Variants in RAB6B observed in about 807,000 individuals in gnomAD.
RAB6B encodes ras-related protein Rab-6B.
RAB6B carries 7 observed loss-of-function variants against 31.2 expected under a neutral mutation model. The observed-to-expected ratio is 0.22, with a 90% CI of 0.13 to 0.42. The LOEUF is 0.42. RAB6B is among the 10% of genes least tolerant of loss of function. The probability of loss-of-function intolerance (pLI) is 1.00; values close to 1 mark genes in which losing one functional copy is unlikely to be tolerated. For missense variants in RAB6B, 149 were observed against 280.6 expected (o/e 0.53, Z 3.35); for synonymous variants, 105 against 104.9 (o/e 1.00, Z -0.01).
chr3:133,841,238 T>C, intron 4 of RAB6B, 47 bp downstream of exon 4: 1 of 1,593,048 alleles, frequency 6.3e-7, no homozygotes, highest in Non-Finnish European at 8.6e-7. Context: ...ACCTGGGCCC[T>C]GGACCCCCTA....
At chr3:133,837,003 G>T (rs944196969) in intron 6 of RAB6B, among the ~76,000 whole-genome samples, 4 of 152,298 alleles carry the variant, frequency 2.6e-5, no homozygotes, top group Non-Finnish European at 5.9e-5. Context: ...CTTGCCAAGG[G>T]TTCCCAGCAA....
rs761422316 is a variant in RAB6B, at chr3:133,841,256, C to G, written c.289+29G>C. The stretch of plus-strand genomic sequence containing the variant: ...TGGGCCCTGGACCCCCTATGAGCCA[C>G]CCTCCCTTAGGAGCAGAGCCTCACT... On this transcript the variant is annotated intron_variant, in intron 4 of 7. Transcript: ENST00000285208. 4 of 1,612,066 alleles carry G rather than the reference C, an allele frequency of 2.5e-6. No individual in the cohort carries two copies. In the East Asian group the frequency reaches 8.9e-5, roughly 36 times the overall value.
chr3:133,855,284 A>T (rs928635916), intron 2 of RAB6B, among the ~76,000 whole-genome samples: 9 of 152,260 alleles, frequency 5.9e-5, no homozygotes, highest in African/African-American at 2.2e-4. Flanking sequence ...GAAGCGCAGT[A>T]ATGCGCCCTG....
chr3:133,829,615 T>A (rs1935626662), intron 7 of RAB6B, among the ~76,000 whole-genome samples: 1 of 152,210 alleles, frequency 6.6e-6, no homozygotes, highest in African/African-American at 2.4e-5. Flanking sequence ...GGACAGGGAT[T>A]GCCTTAAGAC....
chr3:133,853,742 T>C (rs1206703434), intron 2 of RAB6B, among the ~76,000 whole-genome samples: 1 of 152,184 alleles, frequency 6.6e-6, no homozygotes, highest in African/African-American at 2.4e-5. Context: ...CTTGGCTTCC[T>C]CATCTCTAAT....
At chr3:133,889,424 A>T (rs1359817504) in intron 1 of RAB6B, among the ~76,000 whole-genome samples, 647 of 60,436 alleles carry the variant, frequency 0.011, 59 homozygotes, top group Middle Eastern at 0.032. Context: ...ATATATATAT[A>T]TATATATATA....
At chr3:133,864,560 G>A (rs779361278) in intron 2 of RAB6B, 24 bp downstream of exon 2, 3 of 1,609,082 alleles carry the variant, frequency 1.9e-6, no homozygotes, top group East Asian at 2.2e-5. Flanking sequence ...AGATGATATG[G>A]AGGGTGAGCA....
At chr3:133,850,981 C>A (rs1935976294) in intron 2 of RAB6B, among the ~76,000 whole-genome samples, 1 of 143,532 alleles carries the variant, frequency 7.0e-6, no homozygotes, top group Non-Finnish European at 1.5e-5. Flanking sequence ...AAAATGGAAG[C>A]TAGAAAACAC....
At position 133,864,135 on chromosome 3, in the gene RAB6B, C is replaced by T. The variant is rs756821068; in HGVS notation, c.129+449G>A. On this transcript the variant is annotated intron_variant, in intron 2 of 7. Transcript: ENST00000285208. Reference sequence around the variant, plus strand: ...CTCAGCAACCGTGTGTGTGTGTGTGCGCGCGTGTGTGTGTTTGTGTGCGTG... The same window carrying T: ...CTCAGCAACCGTGTGTGTGTGTGTGTGCGCGTGTGTGTGTTTGTGTGCGTG... Among the ~76,000 whole-genome samples, 97 of 126,054 alleles carry T rather than the reference C, an allele frequency of 7.7e-4. No homozygotes were observed. The Middle Eastern group carries it at 0.02, about 25-fold the overall frequency. 82.7% of individuals were successfully genotyped at this position (126,054 alleles called of 152,430 possible). A position where few individuals can be genotyped will look rare whatever the true frequency, so the allele number is the denominator to read the frequency against.
chr3:133,891,331 G>A (rs1936635186), intron 1 of RAB6B, among the ~76,000 whole-genome samples: 1 of 152,216 alleles, frequency 6.6e-6, no homozygotes, highest in African/African-American at 2.4e-5. Context: ...CTACAGGGCA[G>A]AGCAGAAGAA....
At chr3:133,863,582 T>G (rs892064573) in intron 2 of RAB6B, among the ~76,000 whole-genome samples, 1 of 152,224 alleles carries the variant, frequency 6.6e-6, no homozygotes, top group East Asian at 1.9e-4. Context: ...AAATCAAAAC[T>G]ATACACTGAT....
At chr3:133,836,216 A>T (rs1935732629) in intron 6 of RAB6B, among the ~76,000 whole-genome samples, 1 of 152,134 alleles carries the variant, frequency 6.6e-6, no homozygotes, top group Non-Finnish European at 1.5e-5. Context: ...GGCGGGCTGC[A>T]GAGGAGGCTC....
intron 1 of RAB6B, among the ~76,000 whole-genome samples, chr3:133,884,642 A>G (rs571799529): frequency 1.3e-5 from 2 of 152,344 alleles, no homozygotes; most frequent in East Asian, 1.9e-4. Context: ...AGGAAGCTGC[A>G]TAACAGGGCT....
At chr3:133,847,849 T>C (rs1442238162) in intron 2 of RAB6B, among the ~76,000 whole-genome samples, 2 of 152,224 alleles carry the variant, frequency 1.3e-5, no homozygotes, top group Non-Finnish European at 2.9e-5. Flanking sequence ...ACGACTTTAC[T>C]TGTTTCTGGC....
chr3:133,855,418 T>C (rs899494013), intron 2 of RAB6B, among the ~76,000 whole-genome samples: 1 of 152,268 alleles, frequency 6.6e-6, no homozygotes, highest in African/African-American at 2.4e-5. Flanking sequence ...GCTTGTACTT[T>C]AGTCACCACC....
intron 1 of RAB6B, among the ~76,000 whole-genome samples, chr3:133,889,428 ATATATATATATATATATTTATT>A (rs1936603431): frequency 1.4e-5 from 1 of 69,060 alleles, no homozygotes; most frequent in African/African-American, 6.8e-5. Flanking sequence ...ATATATATAT[ATATATATATATATATATTTATT>A]TTGGGATGGA....
chr3:133,847,994 T>TA (rs1273626478), intron 2 of RAB6B, among the ~76,000 whole-genome samples: 1 of 152,182 alleles, frequency 6.6e-6, no homozygotes, highest in Non-Finnish European at 1.5e-5. Context: ...TCAAATATGA[T>TA]ATACTGATCA....
chr3:133,834,719 C>A, intron 6 of RAB6B, 78 bp from the exon 7 acceptor site: 6 of 1,317,734 alleles, frequency 4.6e-6, no homozygotes, highest in Non-Finnish European at 6.6e-6. Context: ...GCACCCTCAC[C>A]CCTCTTCCCC....
chr3:133,841,295 G>A lies in RAB6B; in HGVS notation c.279C>T (p.Tyr93=), dbSNP rs542416427. 4.1e-5 allele frequency: 66 copies of A among 1,614,070 alleles called. No homozygotes were observed. The South Asian group carries it at 5.6e-4, about 14-fold the overall frequency. Residue 93 remains tyrosine, a synonymous_variant, in exon 4 of 8, where the codon TAC becomes TAT. Transcript: ENST00000285208. ...IRDSTVAVVV[Y]DITNLNSFQQ... ...CAGAGCCTCACTCACTTGTGATGTC[G>A]TACACCACCACAGCCACCGTGGAGT... is the stretch of plus-strand genomic sequence containing the variant.
Sources: gnomAD v4.1 joint callset for allele counts (sites outside exome capture counted in the v4.1 genomes callset) on GRCh38, gnomAD v4.1.1 for gene constraint, MANE v1.5 for transcripts, NCBI Gene and HGNC (gene_info 2026-07-23, HGNC 2026-07-21) for gene names.